The following RARB variants were observed in gnomAD, a reference collection of about 807,000 sequenced individuals.
RARB encodes retinoic acid receptor beta, also known as HBV-activated protein.
RARB carries 17 observed loss-of-function variants against 51.9 expected under a neutral mutation model. The observed-to-expected ratio is 0.33, with a 90% CI of 0.22 to 0.49. The LOEUF is 0.49. Among genes scored for constraint, RARB ranks in the 20% least tolerant of loss-of-function variants. The pLI is 0.99. For synonymous variants in RARB, 215 were observed against 195.4 expected, an observed-to-expected ratio of 1.10 and a Z score of -0.84; for missense variants, 369 against 550.8, an observed-to-expected ratio of 0.67 and a Z score of 3.30.
intron 2 of RARB, among the ~76,000 whole-genome samples, chr3:25,494,281 G>GCACACACACACACACACACACACC: frequency 1.9e-5 from 1 of 51,608 alleles, no homozygotes; most frequent in African/African-American, 2.3e-4. Flanking sequence ...ACACACACAT[G>GCACACACACACACACACACACACC]CCATCATTTA....
chr3:25,515,155 GT>G (rs1698094713), intron 3 of RARB, among the ~76,000 whole-genome samples: 1 of 152,164 alleles, frequency 6.6e-6, no homozygotes, highest in South Asian at 2.1e-4. Flanking sequence ...GCCCCATTTT[GT>G]TTTTACAAAT....
At chr3:25,200,813 G>A (rs1305853795) in intron 5 of RARB, among the ~76,000 whole-genome samples, 1 of 151,998 alleles carries the variant, frequency 6.6e-6, no homozygotes, top group African/African-American at 2.4e-5. Flanking sequence ...CTCTGTTTTG[G>A]TACCAGTACC....
At chr3:24,866,320 A>G (rs1177421136) in intron 2 of RARB, among the ~76,000 whole-genome samples, 1 of 151,794 alleles carries the variant, frequency 6.6e-6, no homozygotes, top group Non-Finnish European at 1.5e-5. Context: ...CCCACACCTC[A>G]AATCCACTCT....
At chr3:25,195,465 C>A (rs1004894176) in intron 5 of RARB, among the ~76,000 whole-genome samples, 1 of 152,002 alleles carries the variant, frequency 6.6e-6, no homozygotes, top group African/African-American at 2.4e-5. Context: ...AAAAATAGCA[C>A]GTGACGTCAG....
chr3:25,150,209 A>G (rs1422577273), intron 4 of RARB, among the ~76,000 whole-genome samples: 1 of 152,122 alleles, frequency 6.6e-6, no homozygotes, highest in African/African-American at 2.4e-5. Flanking sequence ...TCAAAAAAAA[A>G]AAAAAATTGT....
chr3:25,024,813 C>T (rs1016302887), intron 2 of RARB, among the ~76,000 whole-genome samples: 4 of 151,712 alleles, frequency 2.6e-5, no homozygotes, highest in Non-Finnish European at 4.4e-5. Flanking sequence ...ATTGGCTGGG[C>T]GTGGTGACAC....
intron 2 of RARB, among the ~76,000 whole-genome samples, chr3:24,988,486 A>T (rs1696841413): frequency 6.6e-6 from 1 of 152,234 alleles, no homozygotes; most frequent in African/African-American, 2.4e-5. Context: ...TTGAAGATTT[A>T]TCCAATCTCA....
At chr3:25,520,294 C>G (rs928447233) in intron 3 of RARB, among the ~76,000 whole-genome samples, 1 of 152,182 alleles carries the variant, frequency 6.6e-6, no homozygotes, top group African/African-American at 2.4e-5. Context: ...GTAACTGCAG[C>G]CTTCATTTCT....
intron 5 of RARB, among the ~76,000 whole-genome samples, chr3:25,207,472 G>A (rs1259864500): frequency 6.6e-6 from 1 of 152,078 alleles, no homozygotes; most frequent in East Asian, 1.9e-4. Flanking sequence ...ATAGTAGGAA[G>A]GTTATATATC....
At chr3:25,133,366 G>T (rs1699982339) in intron 4 of RARB, among the ~76,000 whole-genome samples, 1 of 151,916 alleles carries the variant, frequency 6.6e-6, no homozygotes. Context: ...CTTTTGCCGG[G>T]ATATTTTTTT....
intron 3 of RARB, among the ~76,000 whole-genome samples, chr3:25,511,469 C>G (rs1174542846): frequency 6.6e-6 from 1 of 152,044 alleles, no homozygotes; most frequent in African/African-American, 2.4e-5. Flanking sequence ...CTATTTATGG[C>G]AAATGACACC....
chr3:25,229,366 A>T (rs1702125434), intron 5 of RARB, among the ~76,000 whole-genome samples: 1 of 152,176 alleles, frequency 6.6e-6, no homozygotes, highest in Non-Finnish European at 1.5e-5. Context: ...CAAAAAAACA[A>T]ATATTTCTAA....
chr3:25,276,147 A>G (rs1703378406), intron 5 of RARB, among the ~76,000 whole-genome samples: 1 of 152,216 alleles, frequency 6.6e-6, no homozygotes, highest in Admixed American at 6.5e-5. Flanking sequence ...GCCTTAGAAT[A>G]TGTGTGAATC....
At chr3:25,414,505 T>C (rs1707650260) in intron 5 of RARB, among the ~76,000 whole-genome samples, 1 of 152,236 alleles carries the variant, frequency 6.6e-6, no homozygotes, top group South Asian at 2.1e-4. Context: ...AACTGGTTTA[T>C]GATTTTATAT....
intron 3 of RARB, among the ~76,000 whole-genome samples, chr3:25,537,230 G>A (rs571109443): frequency 2.0e-5 from 3 of 152,184 alleles, no homozygotes; most frequent in Middle Eastern, 3.2e-3. Context: ...ACAGGAAAGC[G>A]GCTGACAACA....
chr3:25,550,776 T>TC (rs1466361873), intron 3 of RARB, among the ~76,000 whole-genome samples: 1 of 152,112 alleles, frequency 6.6e-6, no homozygotes, highest in Non-Finnish European at 1.5e-5. Context: ...TGTGTGATGT[T>TC]CCCCCTTCTG....
chr3:24,966,606 ATCTCTCTCTCTCTCTCTC>A lies in RARB; in HGVS notation c.-379-93497_-379-93480del, dbSNP rs55848511. ...CTGTGTCTGACCTTGGTTTACATTCATCTCTCTCTCTCTCTCTCTCTCTCTCTCTCTCTCTCTCTGAAG... is the reference window on the plus strand; with the variant it reads ...CTGTGTCTGACCTTGGTTTACATTCATCTCTCTCTCTCTCTCTCTCTGAAG... On this transcript the variant is annotated intron_variant, in intron 2 of 11. Coordinates refer to the RARB transcript ENST00000383772. Among the ~76,000 whole-genome samples the A allele has an allele frequency of 2.9e-5, 4 of 140,340 alleles. No homozygotes were observed. In the East Asian group the frequency reaches 6.5e-4, roughly 23 times the overall value. 92.1% of individuals were successfully genotyped at this position (140,340 alleles called of 152,430 possible).
chr3:24,847,190 C>T (rs1172591048), intron 1 of RARB, among the ~76,000 whole-genome samples: 1 of 152,196 alleles, frequency 6.6e-6, no homozygotes, highest in African/African-American at 2.4e-5. Context: ...TTTATAAGCC[C>T]TGCAAGTGTC....
At chr3:25,257,613 T>C (rs1315305301) in intron 5 of RARB, among the ~76,000 whole-genome samples, 1 of 152,100 alleles carries the variant, frequency 6.6e-6, no homozygotes, top group Non-Finnish European at 1.5e-5. Context: ...TTGTTAATGA[T>C]GTTTAAATGG....
Sources: allele counts gnomAD v4.1 joint callset (sites outside exome capture counted in the v4.1 genomes callset), GRCh38; gene constraint gnomAD v4.1.1; transcripts MANE v1.5; gene names NCBI Gene and HGNC (gene_info 2026-07-23, HGNC 2026-07-21).